Variants in CUL5 observed in about 807,000 individuals in gnomAD.
CUL5 encodes cullin 5.
In CUL5, 26 loss-of-function variants were observed where a neutral mutation model predicts 108.8. That is an observed-to-expected ratio of 0.24 (90% CI 0.18 to 0.33). The LOEUF is 0.33. CUL5 is among the 10% of genes least tolerant of loss of function. The pLI is 1.00. For synonymous variants in CUL5, 334 were observed against 298.0 expected, an observed-to-expected ratio of 1.12 and a Z score of -1.25; for missense variants, 524 against 909.2, an observed-to-expected ratio of 0.58 and a Z score of 5.45.
chr11:108,067,027 A>G (rs986405420), intron 7 of CUL5, among the ~76,000 whole-genome samples: 2 of 152,196 alleles, frequency 1.3e-5, no homozygotes, highest in African/African-American at 4.8e-5. Context: ...CTGTAGTAAG[A>G]AAAGTTGGAG....
At chr11:108,033,469 C>T (rs1384680710) in intron 1 of CUL5, among the ~76,000 whole-genome samples, 1 of 152,140 alleles carries the variant, frequency 6.6e-6, no homozygotes, top group East Asian at 1.9e-4. Flanking sequence ...TTAGCCAATC[C>T]AGTATGACCC....
At chr11:108,045,624 G>C (rs188834201) in intron 2 of CUL5, among the ~76,000 whole-genome samples, 2 of 152,154 alleles carry the variant, frequency 1.3e-5, no homozygotes, top group South Asian at 4.1e-4. Context: ...GCACTTTGGA[G>C]ACTGAGGCAG....
chr11:108,027,511 A>T (rs893405763), intron 1 of CUL5, among the ~76,000 whole-genome samples: 5 of 152,170 alleles, frequency 3.3e-5, no homozygotes, highest in Non-Finnish European at 7.4e-5. Context: ...ATGTCAAGTC[A>T]TCCACCCACC....
chr11:108,089,244 T>C (rs927907808), intron 12 of CUL5, among the ~76,000 whole-genome samples: 2 of 152,126 alleles, frequency 1.3e-5, no homozygotes, highest in Non-Finnish European at 2.9e-5. Context: ...TATCGTTGCA[T>C]TTTATACAAA....
chr11:108,037,992 G>A (rs748631256), intron 2 of CUL5, among the ~76,000 whole-genome samples: 7 of 152,196 alleles, frequency 4.6e-5, no homozygotes, highest in African/African-American at 7.2e-5. Flanking sequence ...TATTGTAATC[G>A]TTTTCTCTCT....
At chr11:108,095,471 G>C in intron 15 of CUL5, 59 bp from the exon 16 acceptor site, 1 of 1,141,024 alleles carries the variant, frequency 8.8e-7, no homozygotes, top group Non-Finnish European at 1.2e-6. Flanking sequence ...TCATGTCATA[G>C]ATATTAAGAG....
At chr11:108,012,494 C>T (rs1306729043) in intron 1 of CUL5, among the ~76,000 whole-genome samples, 1 of 150,860 alleles carries the variant, frequency 6.6e-6, no homozygotes, top group African/African-American at 2.4e-5. Context: ...TCATCTTCCC[C>T]CCAGGACTTG....
chr11:108,088,062 C>T (rs933502288), intron 11 of CUL5, among the ~76,000 whole-genome samples: 2 of 150,948 alleles, frequency 1.3e-5, no homozygotes, highest in African/African-American at 4.9e-5. Flanking sequence ...TTTTTTAATG[C>T]ATGATGGTAT....
chr11:108,074,602 C>T (rs1025472906), intron 10 of CUL5, among the ~76,000 whole-genome samples: 4 of 151,866 alleles, frequency 2.6e-5, no homozygotes, highest in African/African-American at 4.8e-5. Flanking sequence ...GTCGGGAGTT[C>T]GAGATCAGCC....
Position 108,094,387 on chromosome 11 carries a change from A to G in CUL5, c.1444-4A>G, listed in dbSNP as rs757828817. On this transcript the variant is annotated splice_polypyrimidine_tract_variant and splice_region_variant and intron_variant, in intron 13 of 18. Transcript: ENST00000393094. ...CCTCTTCCTTCTTTGGTTTATATTT[A>G]TAGGAAGTTGGTATGCCAGCGGATT... 3.8e-6 allele frequency: 6 copies of G among 1,573,344 alleles called. No homozygotes were observed. In the South Asian group the frequency reaches 7.3e-5, roughly 19 times the overall value.
intron 2 of CUL5, among the ~76,000 whole-genome samples, chr11:108,045,782 C>T (rs1318593867): frequency 3.3e-5 from 5 of 152,112 alleles, no homozygotes; most frequent in African/African-American, 7.2e-5. Context: ...ATCGCCTCAA[C>T]CCAGGAGGTC....
intron 16 of CUL5, among the ~76,000 whole-genome samples, chr11:108,095,956 C>T (rs1166077469): frequency 2.0e-5 from 3 of 151,232 alleles, no homozygotes; most frequent in Non-Finnish European, 2.9e-5. Flanking sequence ...ATTAGCTGGG[C>T]GTGGTGGTGG....
chr11:108,078,885 C>G (rs1450141724), intron 11 of CUL5, among the ~76,000 whole-genome samples: 1 of 151,938 alleles, frequency 6.6e-6, no homozygotes, highest in Non-Finnish European at 1.5e-5. Context: ...TTCATTTTGT[C>G]TTTTCTGAGC....
At chr11:108,031,348 G>T (rs1445197386) in intron 1 of CUL5, among the ~76,000 whole-genome samples, 1 of 127,214 alleles carries the variant, frequency 7.9e-6, no homozygotes, top group Non-Finnish European at 1.6e-5. Context: ...CTGGGCAACA[G>T]AACGAGACTC....
At position 108,105,409 on chromosome 11, in the gene CUL5, C is replaced by T. The variant is rs1320515374; in HGVS notation, c.*1025C>T. On this transcript the variant is annotated 3_prime_UTR_variant, in exon 19 of 19. Transcript: ENST00000393094. The stretch of plus-strand genomic sequence containing the variant: ...TCTCATGATTAGGGATTTGTAGCCT[C>T]AGGTTTGAATCAGTCACCTAGGGGT... The T allele has an allele frequency of 2.0e-5, 3 of 152,528 alleles. No homozygotes were observed. The highest frequency in any genetic ancestry group is 1.9e-4 in the East Asian group (1 of 5,182). 9.4% of individuals were successfully genotyped at this position (152,528 alleles called of 1,614,324 possible). A position where few individuals can be genotyped will look rare whatever the true frequency, so the allele number is the denominator to read the frequency against.
intron 7 of CUL5, among the ~76,000 whole-genome samples, chr11:108,057,770 T>A (rs1339772526): frequency 1.3e-5 from 2 of 152,180 alleles, no homozygotes; most frequent in Non-Finnish European, 2.9e-5. Context: ...GAATAAGACC[T>A]AGAGTTAAAT....
At chr11:108,039,779 G>A (rs1433866086) in intron 2 of CUL5, among the ~76,000 whole-genome samples, 2 of 152,156 alleles carry the variant, frequency 1.3e-5, no homozygotes, top group Non-Finnish European at 2.9e-5. Context: ...CAGGTTTAAT[G>A]TTATGACTGA....
chr11:108,082,148 T>C (rs1432055391), intron 11 of CUL5, among the ~76,000 whole-genome samples: 1 of 152,216 alleles, frequency 6.6e-6, no homozygotes, highest in African/African-American at 2.4e-5. Context: ...ACATTCTTGG[T>C]TAAATTTATT....
chr11:108,050,137 A>T, intron 4 of CUL5, 71 bp downstream of exon 4: 1 of 1,360,414 alleles, frequency 7.4e-7, no homozygotes, highest in Non-Finnish European at 1.0e-6. Context: ...ATTTGAAAGT[A>T]ATTTGAACTT....
Sources: gnomAD v4.1 joint callset for allele counts (sites outside exome capture counted in the v4.1 genomes callset) on GRCh38, gnomAD v4.1.1 for gene constraint, MANE v1.5 for transcripts, NCBI Gene and HGNC (gene_info 2026-07-23, HGNC 2026-07-21) for gene names.